The following ITPR1 variants were observed in gnomAD, a reference collection of about 807,000 sequenced individuals.
The protein encoded by ITPR1 is inositol 1,4,5-trisphosphate receptor type 1, also known as inositol 1,4,5-trisphosphate-gated calcium channel ITPR1.
ITPR1 carries 96 observed loss-of-function variants against 318.4 expected under a neutral mutation model. The observed-to-expected ratio is 0.30, with a 90% CI of 0.26 to 0.36. The LOEUF (loss-of-function observed/expected upper bound fraction) is 0.36, where lower values mean the gene tolerates loss of function less well. Among genes scored for constraint, ITPR1 ranks in the 10% least tolerant of loss-of-function variants. The probability of loss-of-function intolerance (pLI) is 1.00; values close to 1 mark genes in which losing one functional copy is unlikely to be tolerated. For missense variants in ITPR1, 2,440 were observed against 3,460.2 expected (o/e 0.71, Z 7.40); for synonymous variants, 1,312 against 1,289.9 (o/e 1.02, Z -0.37).
chr3:4,789,025 C>T (rs896577025), intron 52 of ITPR1, among the ~76,000 whole-genome samples: 1 of 152,154 alleles, frequency 6.6e-6, no homozygotes, highest in African/African-American at 2.4e-5. Flanking sequence ...TTTTTTCTTC[C>T]CTTTTCTCCC....
At chr3:4,678,388 G>A (rs374500425) in intron 24 of ITPR1, among the ~76,000 whole-genome samples, 6 of 152,182 alleles carry the variant, frequency 3.9e-5, no homozygotes, top group African/African-American at 7.2e-5. Flanking sequence ...TGTCTTGGAC[G>A]TTTATCAGAA....
At position 4,796,265 on chromosome 3, in the gene ITPR1, C is replaced by T. The variant is rs929133497; in HGVS notation, c.6931+1078C>T. Among the ~76,000 whole-genome samples the T allele has an allele frequency of 4.6e-5, 7 of 150,850 alleles. No individual in the cohort carries two copies. The South Asian group carries it at 8.4e-4, about 18-fold the overall frequency. ...AGGCACCATCTGAATGCCCCCGCTC[C>T]GAAAAGTACAATCTAAACACAAGTC... is the stretch of plus-strand genomic sequence containing the variant. On this transcript the variant is annotated intron_variant, in intron 53 of 61. Coordinates refer to ENST00000649015, the MANE Select transcript of ITPR1 (RefSeq NM_001378452.1).
chr3:4,685,249 C>A, intron 30 of ITPR1, 43 bp downstream of exon 30: 1 of 1,544,122 alleles, frequency 6.5e-7, no homozygotes, highest in Admixed American at 1.9e-5. Flanking sequence ...CAGGATGGGG[C>A]GGATCCCTGG....
Position 4,826,272 on chromosome 3 carries a change from A to G in ITPR1, c.8028+8030A>G, listed in dbSNP as rs373356468. On this transcript the variant is annotated intron_variant, in intron 60 of 61. Transcript: ENST00000649015. This position sits in a 1 kb window ranked among gnomAD's most constrained non-coding sequence, Gnocchi z 4.2. ...GTTCCTAGAATATTGATATTTCAAC[A>G]TTGGTAGTGCTGAGCAGCAGCTTTC... Among the ~76,000 whole-genome samples, 6 of 152,232 alleles carry G rather than the reference A, an allele frequency of 3.9e-5. No individual in the cohort carries two copies. The highest frequency in any genetic ancestry group is 1.4e-4 in the African/African-American group (6 of 41,452).
Position 4,711,831 on chromosome 3 carries a change from G to C in ITPR1, c.5066G>C (p.Arg1689Thr). ...KLCIKVLQTLREMMTKDRGYG... is the reference protein window; with the variant it reads ...KLCIKVLQTLTEMMTKDRGYG... ...TGCATTAAGGTCCTACAGACCCTGAGGGAAATGATGACCAAAGATAGAGGC... is the reference window on the plus strand; with the variant it reads ...TGCATTAAGGTCCTACAGACCCTGACGGAAATGATGACCAAAGATAGAGGC... The change falls in exon 39 of 62, where the codon AGG (arginine) becomes ACG (threonine). Residue 1689 changes from arginine to threonine, a missense_variant. Coordinates refer to ENST00000649015, the MANE Select transcript of ITPR1 (RefSeq NM_001378452.1). 6.5e-7 allele frequency: 1 copy of C among 1,544,392 alleles called. No homozygotes were observed. Among genetic ancestry groups the C allele is most frequent in the Non-Finnish European group, 8.8e-7 (1 of 1,142,100 alleles).
intron 4 of ITPR1, among the ~76,000 whole-genome samples, chr3:4,623,166 A>G (rs185032821): frequency 2.0e-5 from 3 of 152,244 alleles, no homozygotes; most frequent in East Asian, 3.9e-4. Context: ...ACAAGTCCTG[A>G]TTTGATAGTC....
chr3:4,727,863 A>C (rs574695708), intron 42 of ITPR1, among the ~76,000 whole-genome samples: 27 of 152,222 alleles, frequency 1.8e-4, no homozygotes, highest in Non-Finnish European at 3.4e-4. Context: ...GGTGTGTGCC[A>C]CCATGCCCAG....
At chr3:4,818,330 C>G in intron 60 of ITPR1, 88 bp downstream of exon 60, 1 of 1,059,600 alleles carries the variant, frequency 9.4e-7, no homozygotes, top group South Asian at 2.1e-5. Flanking sequence ...GGGAGCTGCA[C>G]AACAGAAGAA....
intron 44 of ITPR1, among the ~76,000 whole-genome samples, chr3:4,739,206 G>T (rs1279109500): frequency 6.6e-6 from 1 of 152,218 alleles, no homozygotes; most frequent in East Asian, 1.9e-4. Context: ...GCTGGGAAGT[G>T]AGCCTGACTT....
intron 4 of ITPR1, among the ~76,000 whole-genome samples, chr3:4,543,431 A>C (rs892409356): frequency 2.0e-5 from 3 of 152,206 alleles, no homozygotes; most frequent in Non-Finnish European, 4.4e-5. Flanking sequence ...ACTCAGTTCC[A>C]AAAACAAATC....
chr3:4,640,636 G>A (rs960629704), intron 6 of ITPR1, among the ~76,000 whole-genome samples: 1 of 152,160 alleles, frequency 6.6e-6, no homozygotes, highest in Admixed American at 6.5e-5. Context: ...AATGCATTCC[G>A]GTTTAGGTTT....
At chr3:4,647,165 GT>G (rs921278114) in intron 10 of ITPR1, among the ~76,000 whole-genome samples, 7 of 148,642 alleles carry the variant, frequency 4.7e-5, no homozygotes, top group Admixed American at 6.7e-5. Flanking sequence ...TTTATGTTCT[GT>G]TTTTTTTTCA....
chr3:4,834,642 C>T lies in ITPR1; in HGVS notation c.8029-2132C>T, dbSNP rs114952537. 6.1e-3 allele frequency among the ~76,000 whole-genome samples: 931 copies of T among 152,238 alleles called. 12 individuals are homozygous for T. The highest frequency in any genetic ancestry group is 0.031 in the Middle Eastern group (9 of 294). ...GAGTTGCATAGTCCTTGAACATGGG[C>T]TACTTCCTTGGTGGGAAGATGTGGC... On this transcript the variant is annotated intron_variant, in intron 60 of 61. Transcript: ENST00000649015.
At chr3:4,574,907 T>C (rs1057496193) in intron 4 of ITPR1, among the ~76,000 whole-genome samples, 1 of 152,166 alleles carries the variant, frequency 6.6e-6, no homozygotes, top group African/African-American at 2.4e-5. Flanking sequence ...TAGCCAGAGG[T>C]CTATCAATTG....
intron 4 of ITPR1, among the ~76,000 whole-genome samples, chr3:4,606,755 G>C (rs1281907661): frequency 1.3e-5 from 2 of 152,120 alleles, no homozygotes; most frequent in African/African-American, 4.8e-5. Flanking sequence ...CTTAGGAATA[G>C]GAGGAAAGGC....
chr3:4,611,687 A>G (rs1330861410), intron 4 of ITPR1, among the ~76,000 whole-genome samples: 1 of 152,134 alleles, frequency 6.6e-6, no homozygotes, highest in African/African-American at 2.4e-5. Flanking sequence ...CCGCGGCTGC[A>G]GTGAGCTGAG....
intron 2 of ITPR1, among the ~76,000 whole-genome samples, chr3:4,497,956 A>G (rs762198320): frequency 6.6e-6 from 1 of 152,230 alleles, no homozygotes; most frequent in African/African-American, 2.4e-5. Context: ...AAAAGGACAC[A>G]TATTTTATGA....
At chr3:4,514,711 G>C (rs900720484) in intron 2 of ITPR1, among the ~76,000 whole-genome samples, 5 of 152,142 alleles carry the variant, frequency 3.3e-5, no homozygotes, top group Non-Finnish European at 7.4e-5. Context: ...AATTTGGTCT[G>C]GTTCAAAATT....
At chr3:4,783,420 C>T (rs1021826938) in intron 50 of ITPR1, among the ~76,000 whole-genome samples, 5 of 152,106 alleles carry the variant, frequency 3.3e-5, no homozygotes, top group Admixed American at 3.3e-4. Context: ...GGTTGGTGGG[C>T]CCCTGTTACC....
Sources: allele counts gnomAD v4.1 joint callset (sites outside exome capture counted in the v4.1 genomes callset), GRCh38; gene constraint gnomAD v4.1.1; non-coding constraint Gnocchi (gnomAD v3.1); transcripts MANE v1.5; gene names NCBI Gene and HGNC (gene_info 2026-07-23, HGNC 2026-07-21).